Variants in DYNC2H1 observed in about 807,000 individuals in gnomAD.
DYNC2H1 encodes the protein cytoplasmic dynein 2 heavy chain 1.
In DYNC2H1, 410 loss-of-function variants were observed where a neutral mutation model predicts 570.0. That is an observed-to-expected ratio of 0.72 (90% CI 0.66 to 0.78). The LOEUF (loss-of-function observed/expected upper bound fraction) is 0.78. Ranked by LOEUF, DYNC2H1 falls within the 30% of genes least tolerant of loss-of-function variation. DYNC2H1 has a pLI of 0.00. For synonymous variants in DYNC2H1, 1,688 were observed against 1,677.6 expected (o/e 1.01, Z -0.15); for missense variants, 4,865 against 5,046.4 (o/e 0.96, Z 1.09).
chr11:103,395,769 T>C lies in DYNC2H1; in HGVS notation c.12157-3894T>C, dbSNP rs1942373235. On this transcript the variant is annotated intron_variant, in intron 83 of 88. Coordinates refer to ENST00000375735, the MANE Select transcript of DYNC2H1 (RefSeq NM_001377.3). This position sits in a 1 kb window ranked among gnomAD's most constrained non-coding sequence, Gnocchi z 4.3. ...GTTAAGCCCCAATTCAAGTTGCAAA[T>C]TAATTTGTGGAACTGAGTTGAATCA... 6.6e-6 allele frequency among the ~76,000 whole-genome samples: 1 copy of C among 152,130 alleles called. No homozygotes were observed. The highest frequency in any genetic ancestry group is 1.5e-5 in the Non-Finnish European group (1 of 68,028).
intron 65 of DYNC2H1, among the ~76,000 whole-genome samples, chr11:103,250,363 T>G (rs1864781972): frequency 6.6e-6 from 1 of 152,072 alleles, no homozygotes; most frequent in African/African-American, 2.4e-5. Context: ...AAATTTTAAT[T>G]TTAGATTCAC....
At chr11:103,362,320 CTTTTT>C (rs879453459) in intron 83 of DYNC2H1, among the ~76,000 whole-genome samples, 4,226 of 71,582 alleles carry the variant, frequency 0.059, 221 homozygotes, top group African/African-American at 0.17. Context: ...TAATTTTTTT[CTTTTT>C]TTTTTTTCTT....
At position 103,325,886 on chromosome 11, in the gene DYNC2H1, C is replaced by T. The variant is rs983831316; in HGVS notation, c.12039+1896C>T. Among the ~76,000 whole-genome samples, 13 of 152,094 alleles carry T rather than the reference C, an allele frequency of 8.5e-5. No individual in the cohort carries two copies. Among genetic ancestry groups the T allele is most frequent in the Non-Finnish European group, 1.8e-4 (12 of 68,024 alleles). ...GGGCGGGGGATGGGCGTATAGTGGG[C>T]TCCTTTGAAGGTAAGGGGACACTGG... On this transcript the variant is annotated intron_variant, in intron 82 of 88. Coordinates refer to ENST00000375735, the MANE Select transcript of DYNC2H1 (RefSeq NM_001377.3). The surrounding 1 kb of genome is among the most constrained non-coding windows in gnomAD (Gnocchi z 4.8).
At chr11:103,292,064 G>T (rs1175334755) in intron 75 of DYNC2H1, among the ~76,000 whole-genome samples, 1 of 151,566 alleles carries the variant, frequency 6.6e-6, no homozygotes, top group Non-Finnish European at 1.5e-5. Flanking sequence ...AGTTATTATT[G>T]ATAGGAAAGG....
chr11:103,449,352 G>C (rs1048490508), intron 85 of DYNC2H1, among the ~76,000 whole-genome samples: 3 of 152,172 alleles, frequency 2.0e-5, no homozygotes, highest in Non-Finnish European at 4.4e-5. Context: ...AACTTTTGAA[G>C]ACTAGACTGT....
chr11:103,436,190 C>T (rs928027894), intron 85 of DYNC2H1, among the ~76,000 whole-genome samples, 158 bp downstream of exon 85: 1 of 108,666 alleles, frequency 9.2e-6, no homozygotes, highest in Non-Finnish European at 1.7e-5. Context: ...TTGTATAGCA[C>T]TGTTCTATTT....
Position 103,166,040 on chromosome 11 carries a change from G to A in DYNC2H1, c.4754G>A (p.Gly1585Glu). 1 of 1,519,942 alleles carries A rather than the reference G, an allele frequency of 6.6e-7. No individual in the cohort carries two copies. The highest frequency in any genetic ancestry group is 8.8e-7 in the Non-Finnish European group (1 of 1,132,808). 94.2% of individuals were successfully genotyped at this position (1,519,942 alleles called of 1,614,324 possible). Residue 1585 changes from glycine to glutamate, a missense_variant, in exon 31 of 89, where the codon GGG (glycine) becomes GAG (glutamate). Gly to Glu is a moderately conservative substitution (Grantham distance 98, BLOSUM62 -2). Coordinates refer to ENST00000375735, the MANE Select transcript of DYNC2H1 (RefSeq NM_001377.3). ...TNIDTSSEDP[G>E]NTESGILELK... ...ATTGATACAAGTTCTGAGGATCCAG[G>A]GAATACTGGTATGGAAAAGACATTC...
chr11:103,192,075 A>T (rs772573754), intron 46 of DYNC2H1, 22 bp from the exon 47 acceptor site: 8 of 1,437,174 alleles, frequency 5.6e-6, no homozygotes, highest in Non-Finnish European at 7.4e-6. Flanking sequence ...ATTACAATTA[A>T]ATAAAATTTT....
chr11:103,304,371 G>A (rs1867186039), intron 76 of DYNC2H1, among the ~76,000 whole-genome samples: 1 of 152,084 alleles, frequency 6.6e-6, no homozygotes, highest in African/African-American at 2.4e-5. Context: ...TCTACAGATT[G>A]TACCTGTTAC....
chr11:103,419,178 C>G (rs549167909), intron 84 of DYNC2H1, among the ~76,000 whole-genome samples: 1 of 152,156 alleles, frequency 6.6e-6, no homozygotes, highest in African/African-American at 2.4e-5. Flanking sequence ...GCCGTCTCTG[C>G]GATTTGGTAG....
intron 84 of DYNC2H1, among the ~76,000 whole-genome samples, chr11:103,423,060 G>C (rs1265434493): frequency 2.5e-5 from 2 of 80,438 alleles, no homozygotes; most frequent in African/African-American, 1.1e-4. Context: ...ACCGTTTTAT[G>C]AAAACGAGAA....
chr11:103,295,111 A>G (rs1203007531), intron 75 of DYNC2H1, among the ~76,000 whole-genome samples: 1 of 152,188 alleles, frequency 6.6e-6, no homozygotes, highest in Non-Finnish European at 1.5e-5. Flanking sequence ...GGGCTTGCCC[A>G]AGGACTGCAG....
chr11:103,315,990 T>C (rs11225709), intron 79 of DYNC2H1, among the ~76,000 whole-genome samples: 25,203 of 151,972 alleles, frequency 0.17, 2,283 homozygotes, highest in Admixed American at 0.25. Flanking sequence ...ATAGAAGCCA[T>C]ATAGAAATTA....
chr11:103,272,843 T>G (rs1865763674), intron 70 of DYNC2H1, among the ~76,000 whole-genome samples: 1 of 150,314 alleles, frequency 6.7e-6, no homozygotes, highest in South Asian at 2.1e-4. Context: ...TACTGTCATT[T>G]ATTAATTTTT....
At chr11:103,213,613 A>G (rs1863247231) in intron 54 of DYNC2H1, among the ~76,000 whole-genome samples, 1 of 98,488 alleles carries the variant, frequency 1.0e-5, no homozygotes, top group Non-Finnish European at 2.1e-5. Context: ...ACCGTTGGCC[A>G]TTTGTGTGTC....
At chr11:103,259,813 C>G in intron 69 of DYNC2H1, 75 bp from the exon 70 acceptor site, 2 of 999,084 alleles carry the variant, frequency 2.0e-6, no homozygotes, top group Non-Finnish European at 2.9e-6. Flanking sequence ...AGCTTTGAAT[C>G]TGGAGGAACA....
chr11:103,436,361 G>A (rs186984203), intron 85 of DYNC2H1, among the ~76,000 whole-genome samples: 11 of 152,036 alleles, frequency 7.2e-5, no homozygotes, highest in Admixed American at 5.9e-4. Flanking sequence ...AGCTCCCTAT[G>A]GGGAGCTGCT....
In DYNC2H1 at chr11:103,120,761, T is replaced by C. The variant is rs1301458624; in HGVS notation, c.1207T>C (p.Leu403=). The C allele has an allele frequency of 6.3e-7, 1 of 1,588,284 alleles. No individual in the cohort carries two copies. Among genetic ancestry groups the C allele is most frequent in the African/African-American group, 1.3e-5 (1 of 74,272 alleles). ...TGCGGAACAAAAAATAGCAGGAAAATTGAAAAATTATATTTCAGAAATTCA... is the reference window on the plus strand; with the variant it reads ...TGCGGAACAAAAAATAGCAGGAAAACTGAAAAATTATATTTCAGAAATTCA... ...APAEQKIAGK[L]KNYISEIQDS... The change falls in exon 8 of 89, where the codon TTG becomes CTG. Residue 403 remains leucine (L), a synonymous_variant. Transcript: ENST00000375735.
intron 75 of DYNC2H1, among the ~76,000 whole-genome samples, chr11:103,301,509 T>A (rs2135392318): frequency 6.6e-6 from 1 of 152,058 alleles, no homozygotes; most frequent in South Asian, 2.1e-4. Flanking sequence ...TAAGAATTCT[T>A]TATTGCTAAA....
Sources: gnomAD v4.1 joint callset for allele counts (sites outside exome capture counted in the v4.1 genomes callset) on GRCh38, gnomAD v4.1.1 for gene constraint, Gnocchi (gnomAD v3.1) non-coding constraint, MANE v1.5 for transcripts, NCBI Gene and HGNC (gene_info 2026-07-23, HGNC 2026-07-21) for gene names.